BRCC3: variants seen among roughly 807,000 people sequenced by gnomAD.
BRCC3 encodes the protein BRCA1/BRCA2-containing complex subunit 3, also known as lys-63-specific deubiquitinase BRCC36.
In BRCC3, 15 loss-of-function variants were observed where a neutral mutation model predicts 28.0. The ratio of observed to expected loss-of-function variants is 0.54; its 90% CI spans 0.36 to 0.82. The LOEUF (loss-of-function observed/expected upper bound fraction) is 0.82. Among genes scored for constraint, BRCC3 ranks in the 40% least tolerant of loss-of-function variants. The probability of loss-of-function intolerance (pLI) is 0.01; values close to 1 mark genes in which losing one functional copy is unlikely to be tolerated. For synonymous variants in BRCC3, 66 were observed against 80.3 expected, an observed-to-expected ratio of 0.82 and a Z score of 0.95; for missense variants, 109 against 225.9, an observed-to-expected ratio of 0.48 and a Z score of 3.32.
intron 7 of BRCC3, chrX:155,099,298 G>A: frequency 8.3e-7 from 1 of 1,205,990 alleles, no homozygotes; most frequent in Non-Finnish European, 1.1e-6. Context: ...ATCTTGGTGT[G>A]TGGTTTCCAT....
chrX:155,105,822 C>T (rs782531151), intron 7 of BRCC3, among the ~76,000 whole-genome samples: 1 of 111,916 alleles, frequency 8.9e-6, no homozygotes, highest in Non-Finnish European at 1.9e-5. Context: ...TCTCAGACTC[C>T]TGAGTAGCAG....
chrX:155,086,080 T>G, intron 5 of BRCC3, among the ~76,000 whole-genome samples: 1 of 111,439 alleles, frequency 9.0e-6, no homozygotes, highest in Non-Finnish European at 1.9e-5. Flanking sequence ...GGATTCTGAT[T>G]ATTCATCTGC....
At chrX:155,103,763 G>C (rs1401129215) in intron 7 of BRCC3, among the ~76,000 whole-genome samples, 3 of 109,365 alleles carry the variant, frequency 2.7e-5, no homozygotes, top group Non-Finnish European at 5.7e-5. Flanking sequence ...TCTCCTTTAG[G>C]TGTTTCAACT....
rs183102762 is a variant in BRCC3 at position 155,085,176 on chromosome X, G to C, written c.404-4087G>C. ...TCTGAAATGTTTCCATGTCCCCTTG[G>C]GGGGAAAACAGTTTCAGTTCATTCC... On this transcript the variant is annotated intron_variant, in intron 5 of 10. Coordinates refer to ENST00000330045, the MANE Select transcript of BRCC3 (RefSeq NM_001018055.3). 1.0e-3 allele frequency among the ~76,000 whole-genome samples: 115 copies of C among 111,985 alleles called. 1 individual carries two copies. The highest frequency in any genetic ancestry group is 3.4e-3 in the African/African-American group (105 of 30,809).
chrX:155,100,074 G>T (rs1490503140), intron 7 of BRCC3, among the ~76,000 whole-genome samples: 3 of 111,676 alleles, frequency 2.7e-5, no homozygotes, highest in Non-Finnish European at 5.6e-5. Flanking sequence ...TGTAAGAATA[G>T]TATTAAGGAT....
chrX:155,083,645 C>T (rs1366907456), intron 5 of BRCC3, among the ~76,000 whole-genome samples: 24 of 112,279 alleles, frequency 2.1e-4, no homozygotes, highest in Non-Finnish European at 1.9e-4. Flanking sequence ...GAGAGAAACA[C>T]GGTCCCTGCC....
At chrX:155,095,218 C>T (rs916993396) in intron 7 of BRCC3, among the ~76,000 whole-genome samples, 14 of 111,361 alleles carry the variant, frequency 1.3e-4, no homozygotes, top group Admixed American at 9.5e-4. Flanking sequence ...CTAAGTGTTA[C>T]CAGATTCAAA....
At chrX:155,094,588 T>G (rs1358542417) in intron 7 of BRCC3, among the ~76,000 whole-genome samples, 1 of 111,091 alleles carries the variant, frequency 9.0e-6, no homozygotes, top group Non-Finnish European at 1.9e-5. Context: ...TTGAGCAATG[T>G]ATGCATGGAT....
chrX:155,093,729 T>C (rs1262393649), intron 7 of BRCC3, among the ~76,000 whole-genome samples: 1 of 108,884 alleles, frequency 9.2e-6, no homozygotes, highest in Admixed American at 9.6e-5. Context: ...TCCTTTTCTC[T>C]ATTCTTTGAT....
At chrX:155,072,285 C>T in intron 1 of BRCC3, 42 bp from the exon 2 acceptor site, 1 of 1,149,166 alleles carries the variant, frequency 8.7e-7, no homozygotes, top group Non-Finnish European at 1.2e-6. Flanking sequence ...GTCAAACAAA[C>T]GTAATGTGAT....
intron 7 of BRCC3, among the ~76,000 whole-genome samples, chrX:155,105,486 T>G (rs930668339): frequency 4.5e-5 from 5 of 110,908 alleles, no homozygotes; most frequent in African/African-American, 9.8e-5. Flanking sequence ...AAATAATAAT[T>G]AAAAAAAAGC....
chrX:155,101,992 A>G (rs1342954155), intron 7 of BRCC3, among the ~76,000 whole-genome samples: 3 of 112,610 alleles, frequency 2.7e-5, no homozygotes, highest in African/African-American at 9.7e-5. Flanking sequence ...ATGTATCAAT[A>G]GTCTGTCCTT....
At chrX:155,089,206 T>C (rs1334692359) in intron 5 of BRCC3, 57 bp from the exon 6 acceptor site, 1 of 790,840 alleles carries the variant, frequency 1.3e-6, no homozygotes, top group Non-Finnish European at 1.8e-6. Context: ...TTTAAATCAA[T>C]AAGCTGTGAG....
At chrX:155,118,237 A>G (rs2074368954) in intron 9 of BRCC3, among the ~76,000 whole-genome samples, 2 of 112,331 alleles carry the variant, frequency 1.8e-5, no homozygotes, top group African/African-American at 6.5e-5. Flanking sequence ...CAACTCAACA[A>G]TAAAAAGAAC....
chrX:155,079,036 C>T (rs904628464), intron 5 of BRCC3: 10 of 159,243 alleles, frequency 6.3e-5, no homozygotes, highest in Admixed American at 3.1e-4. Context: ...TTGCTGTTTA[C>T]GTATAGTCCA....
chrX:155,102,326 A>G (rs1169661727), intron 7 of BRCC3, among the ~76,000 whole-genome samples: 2 of 112,177 alleles, frequency 1.8e-5, no homozygotes, highest in African/African-American at 6.5e-5. Flanking sequence ...ATTTATCCCT[A>G]TACATTTCAT....
intron 7 of BRCC3, among the ~76,000 whole-genome samples, chrX:155,092,007 A>G (rs1477903494): frequency 1.8e-5 from 2 of 112,206 alleles, no homozygotes; most frequent in African/African-American, 6.5e-5. Context: ...GTGGTACAGA[A>G]GGGCTTATAA....
At chrX:155,105,436 TTGTG>T (rs2074276639) in intron 7 of BRCC3, among the ~76,000 whole-genome samples, 2 of 111,632 alleles carry the variant, frequency 1.8e-5, no homozygotes, top group African/African-American at 6.5e-5. Context: ...TGAGCCGAGA[TTGTG>T]CCACTGCCCT....
intron 7 of BRCC3, among the ~76,000 whole-genome samples, chrX:155,105,846 G>A (rs1188681062): frequency 7.2e-5 from 8 of 111,571 alleles, no homozygotes; most frequent in South Asian, 3.8e-4. Context: ...TTACAGGCAC[G>A]TGCCATCACA....
Sources: gnomAD v4.1 joint callset for allele counts (sites outside exome capture counted in the v4.1 genomes callset) on GRCh38, gnomAD v4.1.1 for gene constraint, MANE v1.5 for transcripts, NCBI Gene and HGNC (gene_info 2026-07-23, HGNC 2026-07-21) for gene names.